Variants in CDC73 observed in about 807,000 individuals in gnomAD.
CDC73 encodes the protein cell division cycle 73, also known as parafibromin.
A neutral mutation model predicts 83.7 loss-of-function variants in CDC73; 21 were observed. The ratio of observed to expected loss-of-function variants is 0.25; its 90% CI spans 0.18 to 0.36. CDC73 has a LOEUF of 0.36. Among genes scored for constraint, CDC73 ranks in the 10% least tolerant of loss-of-function variants. The pLI is 1.00. For synonymous variants in CDC73, 224 were observed against 212.9 expected, an observed-to-expected ratio of 1.05 and a Z score of -0.45; for missense variants, 342 against 653.3, an observed-to-expected ratio of 0.52 and a Z score of 5.19.
At position 193,212,563 on chromosome 1, in the gene CDC73, G is replaced by T. The variant is rs190889891; in HGVS notation, c.1154+86G>T. ...GTTACTGAATCAGTATTACTTATTT[G>T]GAAAAAACAAAATTTCGGTTTCTGT... On this transcript the variant is annotated intron_variant, in intron 13 of 16. Coordinates refer to ENST00000367435, the MANE Select transcript of CDC73 (RefSeq NM_024529.5). 4.4e-6 allele frequency: 4 copies of T among 903,360 alleles called. No homozygotes were observed. In the African/African-American group the frequency reaches 5.0e-5, roughly 11 times the overall value. 56.0% of individuals were successfully genotyped at this position (903,360 alleles called of 1,614,324 possible).
At chr1:193,190,299 C>G (rs564707998) in intron 10 of CDC73, among the ~76,000 whole-genome samples, 1 of 152,292 alleles carries the variant, frequency 6.6e-6, no homozygotes, top group South Asian at 2.1e-4. Context: ...GTTTATTTCT[C>G]TTGACTGTTT....
intron 7 of CDC73, among the ~76,000 whole-genome samples, chr1:193,142,691 C>T (rs1256882801): frequency 2.0e-5 from 3 of 151,822 alleles, no homozygotes; most frequent in Admixed American, 6.6e-5. Context: ...CTTCCTTTTC[C>T]CTATTATGAA....
At chr1:193,195,325 G>A (rs564347044) in intron 10 of CDC73, among the ~76,000 whole-genome samples, 38 of 152,066 alleles carry the variant, frequency 2.5e-4, no homozygotes, top group African/African-American at 8.9e-4. Context: ...GTTGTAGCAC[G>A]TATTACAATT....
At chr1:193,186,742 A>G (rs1246438443) in intron 10 of CDC73, 1 of 152,132 alleles carries the variant, frequency 6.6e-6, no homozygotes, top group African/African-American at 2.4e-5. Context: ...TTTTGCTTTT[A>G]TGTGATAAAT....
chr1:193,122,157 G>A lies in CDC73; in HGVS notation c.-44G>A, dbSNP rs748082414. On this transcript the variant is annotated 5_prime_UTR_variant, in exon 1 of 17. Transcript: ENST00000367435. Reference sequence around the variant, plus strand: ...AAGAGAAGAAGGAGGCAGGCGCGGCGGCAGCGGCGGCGCCCCGAGCCGGCG... The same window carrying A: ...AAGAGAAGAAGGAGGCAGGCGCGGCAGCAGCGGCGGCGCCCCGAGCCGGCG... 6 of 1,600,464 alleles carry A rather than the reference G, an allele frequency of 3.7e-6. No individual in the cohort carries two copies. In the East Asian group the frequency reaches 1.1e-4, roughly 30 times the overall value.
At chr1:193,152,581 G>A in intron 10 of CDC73, 137 bp downstream of exon 10, 1 of 649,022 alleles carries the variant, frequency 1.5e-6, no homozygotes, top group Non-Finnish European at 2.8e-6. Flanking sequence ...TGATTGATCT[G>A]TGTGGTGTAT....
rs1558282344 is a variant in CDC73 at position 193,135,408 on chromosome 1, G to A, written c.325G>A (p.Asp109Asn). Residue 109 changes from aspartate (D) to asparagine (N), a missense_variant, in exon 4 of 17, where the codon GAC becomes AAC. Around this residue, in one of 3 missense-constraint regions of CDC73, gnomAD observed 99 missense variants for 174.5 expected, o/e 0.57. Coordinates refer to ENST00000367435, the MANE Select transcript of CDC73 (RefSeq NM_024529.5). Reference protein sequence around the residue: ...NGEASTSASIDRSAPLEIGLQ... With the variant: ...NGEASTSASINRSAPLEIGLQ... ...GTCTTCAGCAACATCGGCAAGTATA[G>A]ACAGAAGCGCTCCCTTAGAAATAGG... 6.2e-7 allele frequency: 1 copy of A among 1,613,410 alleles called. No individual in the cohort carries two copies. Among genetic ancestry groups the A allele is most frequent in the Non-Finnish European group, 8.5e-7 (1 of 1,179,580 alleles).
At chr1:193,128,774 C>T (rs1675633565) in intron 2 of CDC73, among the ~76,000 whole-genome samples, 2 of 152,080 alleles carry the variant, frequency 1.3e-5, no homozygotes, top group Admixed American at 6.5e-5. Context: ...ATGTTTGGTG[C>T]AGTAAATTAT....
intron 10 of CDC73, among the ~76,000 whole-genome samples, chr1:193,169,631 G>A (rs1177538329): frequency 6.6e-6 from 1 of 152,150 alleles, no homozygotes; most frequent in Non-Finnish European, 1.5e-5. Flanking sequence ...TTACTTTCCT[G>A]TTTATCTTAT....
intron 13 of CDC73, among the ~76,000 whole-genome samples, chr1:193,225,207 A>G (rs1677545431): frequency 6.6e-6 from 1 of 151,262 alleles, no homozygotes; most frequent in South Asian, 2.1e-4. Flanking sequence ...AGCAAATGGC[A>G]TTAATGCCTT....
chr1:193,224,148 T>TC (rs898070435), intron 13 of CDC73, among the ~76,000 whole-genome samples: 6 of 151,956 alleles, frequency 3.9e-5, no homozygotes, highest in African/African-American at 1.2e-4. Flanking sequence ...TCTCCTCCAC[T>TC]CCCCCACCCT....
chr1:193,155,899 C>T (rs1440872370), intron 10 of CDC73, among the ~76,000 whole-genome samples: 1 of 152,150 alleles, frequency 6.6e-6, no homozygotes, highest in African/African-American at 2.4e-5. Context: ...ATTTAACCCC[C>T]TGAGTTTGCC....
chr1:193,225,363 A>G (rs1281887137), intron 13 of CDC73, among the ~76,000 whole-genome samples: 1 of 151,780 alleles, frequency 6.6e-6, no homozygotes. Flanking sequence ...TGCTGCTGTA[A>G]ACATGCGTGT....
intron 15 of CDC73, among the ~76,000 whole-genome samples, chr1:193,242,098 T>C (rs1391120315): frequency 6.6e-6 from 1 of 152,120 alleles, no homozygotes; most frequent in Non-Finnish European, 1.5e-5. Flanking sequence ...TGTCTGCAGG[T>C]TTGCAGGGGT....
chr1:193,129,122 C>T (rs1258613256), intron 2 of CDC73, among the ~76,000 whole-genome samples: 4 of 151,666 alleles, frequency 2.6e-5, no homozygotes, highest in African/African-American at 7.3e-5. Context: ...CTCAGCCTCC[C>T]GAGTAGCAGG....
At chr1:193,241,147 G>A (rs1178031287) in intron 15 of CDC73, among the ~76,000 whole-genome samples, 1 of 152,100 alleles carries the variant, frequency 6.6e-6, no homozygotes, top group East Asian at 1.9e-4. Context: ...GCTTCTTCTA[G>A]TTTTTTGAAT....
chr1:193,156,337 T>C (rs1250333964), intron 10 of CDC73, among the ~76,000 whole-genome samples: 1 of 152,210 alleles, frequency 6.6e-6, no homozygotes, highest in African/African-American at 2.4e-5. Context: ...GACTCTTGAT[T>C]ACCTTTACTG....
intron 11 of CDC73, among the ~76,000 whole-genome samples, chr1:193,204,253 A>ATGTGTATG (rs1677145570): frequency 8.1e-6 from 1 of 123,802 alleles, no homozygotes; most frequent in Non-Finnish European, 1.6e-5. Context: ...ATATATGTGT[A>ATGTGTATG]TGTGTGTGTG....
At chr1:193,204,451 G>A (rs1209240344) in intron 11 of CDC73, among the ~76,000 whole-genome samples, 25 of 151,276 alleles carry the variant, frequency 1.7e-4, no homozygotes, top group African/African-American at 5.8e-4. Flanking sequence ...CACCACGCCC[G>A]GCTAATTTTT....
Sources: allele counts gnomAD v4.1 joint callset (sites outside exome capture counted in the v4.1 genomes callset), GRCh38; gene constraint gnomAD v4.1.1; regional missense constraint gnomAD v4.1.1; transcripts MANE v1.5; gene names NCBI Gene and HGNC (gene_info 2026-07-23, HGNC 2026-07-21).